QKI: variants seen among roughly 807,000 people sequenced by gnomAD.
QKI encodes the protein QKI, KH domain containing RNA binding.
A neutral mutation model predicts 39.0 loss-of-function variants in QKI; 10 were observed. The observed-to-expected ratio is 0.26, with a 90% CI of 0.16 to 0.43. QKI has a LOEUF of 0.43. QKI is among the 20% of genes least tolerant of loss of function. The pLI is 1.00. For missense variants in QKI, 218 were observed against 428.0 expected (o/e 0.51, Z 4.33); for synonymous variants, 204 against 155.4 (o/e 1.31, Z -2.33).
At chr6:163,544,668 A>G (rs1024968433) in intron 4 of QKI, among the ~76,000 whole-genome samples, 2 of 152,120 alleles carry the variant, frequency 1.3e-5, no homozygotes, top group African/African-American at 4.8e-5. Context: ...ACTTTTAACA[A>G]AATAAACATG....
intron 4 of QKI, among the ~76,000 whole-genome samples, chr6:163,542,234 A>ATC (rs1471001814): frequency 6.6e-6 from 1 of 152,026 alleles, no homozygotes; most frequent in Non-Finnish European, 1.5e-5. Flanking sequence ...CAGGTATCAG[A>ATC]TACCATCCTT....
At chr6:163,569,328 T>G in intron 7 of QKI, 1 of 1,108,998 alleles carries the variant, frequency 9.0e-7, no homozygotes, top group African/African-American at 1.7e-5. Flanking sequence ...CAGTCCATTA[T>G]TTTGGATCAT....
chr6:163,415,232 C>A lies in QKI; in HGVS notation c.39C>A (p.Pro13=), dbSNP rs777294016. Residue 13 remains proline, a synonymous_variant, in exon 1 of 8, where the codon CCC becomes CCA. Transcript: ENST00000361752. The part of the protein sequence containing the change: ...GEMETKEKPK[P]TPDYLMQLMN... ...TGGAAACGAAGGAGAAGCCGAAGCC[C>A]ACCCCAGATTACCTGATGCAGCTGA... 2.5e-6 allele frequency: 4 copies of A among 1,597,110 alleles called. No individual in the cohort carries two copies. In the South Asian group the frequency reaches 3.3e-5, roughly 13 times the overall value.
chr6:163,420,347 A>G (rs1208172929), intron 1 of QKI, among the ~76,000 whole-genome samples: 1 of 152,072 alleles, frequency 6.6e-6, no homozygotes, highest in Non-Finnish European at 1.5e-5. Context: ...TTGATGTTGC[A>G]GTTGTAAGCA....
At chr6:163,449,426 G>A (rs1790386141) in intron 1 of QKI, among the ~76,000 whole-genome samples, 1 of 152,070 alleles carries the variant, frequency 6.6e-6, no homozygotes, top group South Asian at 2.1e-4. Flanking sequence ...GGATTCAAAT[G>A]TACAAAGAAA....
At chr6:163,415,949 C>G in intron 1 of QKI, 1 of 506,390 alleles carries the variant, frequency 2.0e-6, no homozygotes, top group South Asian at 1.4e-5. Context: ...CGAAATTATG[C>G]TGGCGTAGCC....
chr6:163,576,845 T>TA lies in QKI; in HGVS notation c.*6136dup, dbSNP rs768766066. ...TAAGAATTTGACATTCTGGAGTTAT[T>TA]ATAACATTAGAAAATGAGCATAACA... On this transcript the variant is annotated 3_prime_UTR_variant, in exon 8 of 8. Coordinates refer to ENST00000361752, the MANE Select transcript of QKI (RefSeq NM_006775.3). 3.9e-5 allele frequency: 6 copies of TA among 152,340 alleles called. No homozygotes were observed. In the East Asian group the frequency reaches 9.6e-4, roughly 24 times the overall value. The allele number at this position is 152,340 out of a possible 1,614,324, so 9.4% of individuals were successfully genotyped here. A position where few individuals can be genotyped will look rare whatever the true frequency, so the allele number is the denominator to read the frequency against.
intron 2 of QKI, among the ~76,000 whole-genome samples, chr6:163,474,604 CAAGT>C (rs1461641236): frequency 6.6e-6 from 1 of 151,630 alleles, no homozygotes; most frequent in African/African-American, 2.4e-5. Flanking sequence ...AAAGTAAAAA[CAAGT>C]AAAGGCACAA....
intron 3 of QKI, among the ~76,000 whole-genome samples, chr6:163,502,548 C>G (rs1356006956): frequency 1.3e-5 from 2 of 152,052 alleles, no homozygotes; most frequent in African/African-American, 4.8e-5. Context: ...TCCCCCTGCC[C>G]CCCACCTAAA....
At chr6:163,539,229 T>A (rs1272500298) in intron 4 of QKI, among the ~76,000 whole-genome samples, 1 of 152,140 alleles carries the variant, frequency 6.6e-6, no homozygotes, top group East Asian at 1.9e-4. Context: ...CTGGAAGTCA[T>A]GCTTAGACCT....
intron 1 of QKI, among the ~76,000 whole-genome samples, chr6:163,436,773 G>C (rs12523978): frequency 0.095 from 11,109 of 117,532 alleles, 491 homozygotes; most frequent in Middle Eastern, 0.22. Flanking sequence ...CTGGGCGACA[G>C]AGCGAGACTC....
intron 3 of QKI, among the ~76,000 whole-genome samples, chr6:163,533,357 CT>C (rs1780990261): frequency 6.6e-6 from 1 of 152,108 alleles, no homozygotes; most frequent in South Asian, 2.1e-4. Flanking sequence ...ATGGTGTACC[CT>C]AGTCAAAAAG....
chr6:163,558,366 A>G (rs1289169586), intron 4 of QKI, among the ~76,000 whole-genome samples: 2 of 151,640 alleles, frequency 1.3e-5, no homozygotes, highest in Non-Finnish European at 2.9e-5. Flanking sequence ...AAGTAATTCT[A>G]TAATTAACCC....
chr6:163,496,080 T>G (rs993949142), intron 3 of QKI, among the ~76,000 whole-genome samples: 24 of 152,220 alleles, frequency 1.6e-4, no homozygotes, highest in African/African-American at 5.1e-4. Flanking sequence ...TTAATTGTAA[T>G]GAATATATTG....
At chr6:163,443,566 TAACAAC>T (rs3884381) in intron 1 of QKI, among the ~76,000 whole-genome samples, 7 of 151,978 alleles carry the variant, frequency 4.6e-5, no homozygotes, top group South Asian at 4.1e-4. Flanking sequence ...CTCAAAACAA[TAACAAC>T]AACAACAACA....
chr6:163,524,725 C>T (rs1175500857), intron 3 of QKI, among the ~76,000 whole-genome samples: 1 of 152,162 alleles, frequency 6.6e-6, no homozygotes, highest in Non-Finnish European at 1.5e-5. Flanking sequence ...CCCCGGCCTC[C>T]CAAAGTGCTG....
intron 3 of QKI, among the ~76,000 whole-genome samples, chr6:163,523,847 CTT>C (rs770528354): frequency 1.3e-5 from 2 of 152,088 alleles, no homozygotes; most frequent in Admixed American, 6.5e-5. Context: ...AAGGAGCAGT[CTT>C]TGCTTTCTAG....
intron 3 of QKI, among the ~76,000 whole-genome samples, chr6:163,521,485 A>C (rs1780153110): frequency 6.6e-6 from 1 of 152,108 alleles, no homozygotes; most frequent in South Asian, 2.1e-4. Context: ...CATTACCAAG[A>C]AAAAAATCAT....
At chr6:163,557,221 A>C (rs1782682758) in intron 4 of QKI, among the ~76,000 whole-genome samples, 1 of 152,232 alleles carries the variant, frequency 6.6e-6, no homozygotes, top group Non-Finnish European at 1.5e-5. Flanking sequence ...AAAATATTAT[A>C]TATGCCTTCA....
Sources: allele counts gnomAD v4.1 joint callset (sites outside exome capture counted in the v4.1 genomes callset), GRCh38; gene constraint gnomAD v4.1.1; transcripts MANE v1.5; gene names NCBI Gene and HGNC (gene_info 2026-07-23, HGNC 2026-07-21).